SFI1: variants seen among roughly 807,000 people sequenced by gnomAD.
SFI1 encodes the protein protein SFI1 homolog.
SFI1 carries 195 observed loss-of-function variants against 207.5 expected under a neutral mutation model. The observed-to-expected ratio is 0.94, with a 90% CI of 0.84 to 1.06. SFI1 has a LOEUF of 1.06. Ranked by LOEUF, SFI1 falls within the 50% of genes least tolerant of loss-of-function variation. The pLI, the probability that SFI1 is intolerant of heterozygous loss-of-function variation, is 0.00. For missense variants in SFI1, 1,634 were observed against 1,588.0 expected, an observed-to-expected ratio of 1.03 and a Z score of -0.49; for synonymous variants, 630 against 598.9, an observed-to-expected ratio of 1.05 and a Z score of -0.76.
chr22:31,521,800 G>A (rs1240622474), intron 2 of SFI1, among the ~76,000 whole-genome samples: 1 of 150,858 alleles, frequency 6.6e-6, no homozygotes, highest in Non-Finnish European at 1.5e-5. Flanking sequence ...GTCTCACTGT[G>A]TTGCCCAGGC....
chr22:31,605,109 C>T, intron 20 of SFI1, 164 bp downstream of exon 20: 1 of 598,914 alleles, frequency 1.7e-6, no homozygotes, highest in Non-Finnish European at 2.9e-6. Context: ...ACGGGTTCGC[C>T]TTCATGTCTT....
chr22:31,602,456 T>C, intron 16 of SFI1, 151 bp from the exon 17 acceptor site: 1 of 1,114,434 alleles, frequency 9.0e-7, no homozygotes, highest in East Asian at 2.4e-5. Context: ...CCTTTCTCAG[T>C]GGAGCCTACA....
At position 31,517,735 on chromosome 22, in the gene SFI1, T is replaced by G. The variant is rs1410939301; in HGVS notation, c.92+9359T>G. On this transcript the variant is annotated intron_variant, in intron 2 of 32. Coordinates refer to ENST00000400288, the MANE Select transcript of SFI1 (RefSeq NM_001007467.3). ...CTGCTCTATAGTGCCATTTTAATCA[T>G]TACTCAAGTGTCCATTAAGGCCAAG... 2.6e-5 allele frequency among the ~76,000 whole-genome samples: 4 copies of G among 152,282 alleles called. No individual in the cohort carries two copies. In the East Asian group the frequency reaches 7.7e-4, roughly 29 times the overall value.
intron 3 of SFI1, among the ~76,000 whole-genome samples, chr22:31,530,171 CAAA>C (rs1162482504): frequency 8.3e-5 from 1 of 12,104 alleles, no homozygotes; most frequent in African/African-American, 3.3e-4. Context: ...GACTCCATCT[CAAA>C]AAAAAAAAAA....
intron 3 of SFI1, among the ~76,000 whole-genome samples, chr22:31,529,408 C>T (rs1489264989): frequency 6.6e-6 from 1 of 152,060 alleles, no homozygotes; most frequent in African/African-American, 2.4e-5. Context: ...TGCCTGTAAT[C>T]CCAGCTACTT....
At chr22:31,516,131 C>G (rs893176225) in intron 2 of SFI1, among the ~76,000 whole-genome samples, 1 of 151,976 alleles carries the variant, frequency 6.6e-6, no homozygotes, top group Non-Finnish European at 1.5e-5. Context: ...AGGAGGTTTT[C>G]TGTTTTTGAA....
chr22:31,541,840 C>T (rs1023501713), intron 4 of SFI1, among the ~76,000 whole-genome samples: 43 of 151,324 alleles, frequency 2.8e-4, no homozygotes, highest in African/African-American at 8.7e-4. Flanking sequence ...TAGTGGCTCA[C>T]GCCTGTAATC....
chr22:31,512,039 A>G (rs5998023), intron 2 of SFI1, among the ~76,000 whole-genome samples: 141,771 of 152,220 alleles, frequency 0.93, 66,121 homozygotes, highest in East Asian at 0.99. Context: ...TAACCATAAC[A>G]CAGGTAAAGA....
At chr22:31,567,352 T>C (rs1250476941) in intron 8 of SFI1, among the ~76,000 whole-genome samples, 1 of 152,188 alleles carries the variant, frequency 6.6e-6, no homozygotes, top group Non-Finnish European at 1.5e-5. Flanking sequence ...GATGAGGTTA[T>C]GAGGTAACAG....
intron 6 of SFI1, among the ~76,000 whole-genome samples, chr22:31,555,619 A>G (rs937424918): frequency 1.3e-5 from 2 of 152,192 alleles, no homozygotes; most frequent in Admixed American, 6.6e-5. Flanking sequence ...GATATTTTTC[A>G]TAGTTAAATC....
At chr22:31,545,948 A>C (rs1462597150) in intron 4 of SFI1, among the ~76,000 whole-genome samples, 1 of 143,176 alleles carries the variant, frequency 7.0e-6, no homozygotes, top group Non-Finnish European at 1.5e-5. Flanking sequence ...GCTGGAGTAC[A>C]GTGGTGCAAT....
intron 9 of SFI1, among the ~76,000 whole-genome samples, chr22:31,574,039 G>A (rs2063224102): frequency 6.6e-6 from 1 of 152,156 alleles, no homozygotes; most frequent in African/African-American, 2.4e-5. Flanking sequence ...TTTGGATACT[G>A]TTTATATGGT....
chr22:31,606,209 T>G, intron 20 of SFI1, 119 bp from the exon 21 acceptor site: 2 of 837,950 alleles, frequency 2.4e-6, no homozygotes, highest in Non-Finnish European at 3.9e-6. Context: ...GAAACAGACA[T>G]TCTTAGGTGT....
At chr22:31,585,015 A>T in intron 13 of SFI1, 53 bp from the exon 14 acceptor site, 1 of 1,567,020 alleles carries the variant, frequency 6.4e-7, no homozygotes, top group Non-Finnish European at 8.8e-7. Context: ...TACCTGCCTT[A>T]AAACAAAGTT....
rs149064060 is a variant in SFI1 at position 31,604,952 on chromosome 22, C to T, written c.2054+7C>T. ...ACAACAGGCAGCTGCTGCGGTGAGT[C>T]TCCCGGGCGCCTCCCAAGCTCCAGC... On this transcript the variant is annotated splice_region_variant and intron_variant, in intron 20 of 32. Transcript: ENST00000400288. The T allele has an allele frequency of 4.9e-3, 7,738 of 1,590,962 alleles. 27 individuals are homozygous for T. Among genetic ancestry groups the T allele is most frequent in the Non-Finnish European group, 5.7e-3 (6,692 of 1,168,676 alleles).
At chr22:31,504,406 C>G (rs1348107346) in intron 1 of SFI1, among the ~76,000 whole-genome samples, 1 of 152,102 alleles carries the variant, frequency 6.6e-6, no homozygotes, top group Non-Finnish European at 1.5e-5. Flanking sequence ...AATTCCTTGT[C>G]TGATTGTCAT....
intron 15 of SFI1, among the ~76,000 whole-genome samples, chr22:31,598,530 C>G (rs2067521575): frequency 2.6e-5 from 4 of 151,618 alleles, no homozygotes; most frequent in Admixed American, 2.0e-4. Context: ...TGCCATTCTC[C>G]TGCCTCAGCC....
intron 12 of SFI1, among the ~76,000 whole-genome samples, chr22:31,582,321 G>A (rs1027117900): frequency 4.7e-5 from 6 of 128,886 alleles, no homozygotes; most frequent in Non-Finnish European, 9.4e-5. Context: ...GCTTGATCTC[G>A]GCTCACTGCA....
rs551725593 is a variant in SFI1 at position 31,520,551 on chromosome 22, G to GT, written c.93-8133dup. On this transcript the variant is annotated intron_variant, in intron 2 of 32. Transcript: ENST00000400288. ...CTTTTCTAATACTCACGGAGGGTTG[G>GT]TTTTTTGTTTTTTGTTTTAGTTTGG... Among the ~76,000 whole-genome samples the GT allele has an allele frequency of 1.4e-3, 219 of 152,142 alleles. 1 individual carries two copies. The highest frequency in any genetic ancestry group is 5.2e-3 in the African/African-American group (216 of 41,516).
Sources: allele counts gnomAD v4.1 joint callset (sites outside exome capture counted in the v4.1 genomes callset), GRCh38; gene constraint gnomAD v4.1.1; transcripts MANE v1.5; gene names NCBI Gene and HGNC (gene_info 2026-07-23, HGNC 2026-07-21).